Variants in STXBP5L observed in about 807,000 individuals in gnomAD.
The protein encoded by STXBP5L is syntaxin-binding protein 5-like.
STXBP5L carries 65 observed loss-of-function variants against 144.5 expected under a neutral mutation model. That is an observed-to-expected ratio of 0.45 (90% CI 0.37 to 0.55). The LOEUF is 0.55. Ranked by LOEUF, STXBP5L falls within the 20% of genes least tolerant of loss-of-function variation. The probability of loss-of-function intolerance (pLI) is 0.00; values close to 1 mark genes in which losing one functional copy is unlikely to be tolerated. For missense variants in STXBP5L, 1,298 were observed against 1,405.5 expected, an observed-to-expected ratio of 0.92 and a Z score of 1.22; for synonymous variants, 505 against 469.6, an observed-to-expected ratio of 1.08 and a Z score of -0.97.
chr3:121,041,726 A>G lies in STXBP5L; in HGVS notation c.314A>G (p.Tyr105Cys), dbSNP rs765688006. 8 of 1,612,622 alleles carry G rather than the reference A, an allele frequency of 5.0e-6. No individual in the cohort carries two copies. The highest frequency in any genetic ancestry group is 3.3e-5 in the Admixed American group (2 of 59,904). ...RILGRPGVDCYCQHESGAAVL... is the reference protein window; with the variant it reads ...RILGRPGVDCCCQHESGAAVL... ...CTCGGGAGACCTGGTGTTGATTGCT[A>G]TTGCCAACATGAAAGTGGTGCAGCT... Residue 105 changes from tyrosine (Y) to cysteine (C), a missense_variant, in exon 4 of 27, where the codon TAT becomes TGT. By Grantham distance (194) the Tyr-to-Cys change is radical (BLOSUM62 -2). Transcript: ENST00000471454.
chr3:120,949,363 G>A (rs1711054540), intron 2 of STXBP5L, among the ~76,000 whole-genome samples: 1 of 152,012 alleles, frequency 6.6e-6, no homozygotes, highest in Non-Finnish European at 1.5e-5. Flanking sequence ...CATTCTGTGG[G>A]TTGTCTGTTT....
chr3:121,208,584 T>A (rs1559866199), intron 10 of STXBP5L, among the ~76,000 whole-genome samples: 2 of 152,158 alleles, frequency 1.3e-5, no homozygotes, highest in South Asian at 4.1e-4. Flanking sequence ...AAATATGAAA[T>A]ATATGACATA....
chr3:121,393,971 T>C (rs2046660369), intron 22 of STXBP5L, among the ~76,000 whole-genome samples: 1 of 152,214 alleles, frequency 6.6e-6, no homozygotes, highest in African/African-American at 2.4e-5. Context: ...AGAATGCTGT[T>C]GGCAAATTGA....
At chr3:121,105,963 G>A (rs193287619) in intron 5 of STXBP5L, among the ~76,000 whole-genome samples, 4 of 152,144 alleles carry the variant, frequency 2.6e-5, no homozygotes, top group Admixed American at 2.6e-4. Flanking sequence ...TAAGTCAAAA[G>A]TAAAGAATAT....
intron 9 of STXBP5L, among the ~76,000 whole-genome samples, chr3:121,200,476 C>A (rs1351143525): frequency 6.6e-6 from 1 of 152,182 alleles, no homozygotes; most frequent in Admixed American, 6.6e-5. Context: ...GTCTCTGTCT[C>A]CTTCAGTTCC....
intron 19 of STXBP5L, among the ~76,000 whole-genome samples, chr3:121,313,402 A>G: frequency 1.4e-5 from 1 of 71,942 alleles, no homozygotes; most frequent in African/African-American, 5.9e-5. Context: ...CTGACCCCCC[A>G]CCTCCCTCCC....
intron 18 of STXBP5L, among the ~76,000 whole-genome samples, chr3:121,275,788 T>C (rs750652605): frequency 1.3e-4 from 20 of 152,162 alleles, no homozygotes; most frequent in Non-Finnish European, 2.5e-4. Flanking sequence ...TATATATCTC[T>C]CAAAATTTCC....
chr3:120,911,807 A>G (rs929765832), intron 2 of STXBP5L, among the ~76,000 whole-genome samples: 2 of 152,052 alleles, frequency 1.3e-5, no homozygotes, highest in Non-Finnish European at 2.9e-5. Flanking sequence ...TTTAAAAAAT[A>G]GTTATATGGA....
intron 3 of STXBP5L, among the ~76,000 whole-genome samples, chr3:120,955,378 C>T (rs141760744): frequency 2.6e-5 from 4 of 151,986 alleles, no homozygotes; most frequent in East Asian, 1.9e-4. Context: ...TTTCTATATT[C>T]GATTTCATTG....
intron 10 of STXBP5L, among the ~76,000 whole-genome samples, chr3:121,207,820 A>C (rs1464333899): frequency 2.0e-5 from 3 of 152,004 alleles, no homozygotes; most frequent in African/African-American, 7.3e-5. Context: ...GATCATTAAA[A>C]AGTCAGGAAA....
intron 3 of STXBP5L, among the ~76,000 whole-genome samples, chr3:121,035,781 A>G (rs1946705755): frequency 6.6e-6 from 1 of 152,142 alleles, no homozygotes; most frequent in Non-Finnish European, 1.5e-5. Context: ...TTGAATCTGT[A>G]GATTGCTTTG....
chr3:120,967,989 A>T (rs1272754122), intron 3 of STXBP5L, among the ~76,000 whole-genome samples: 2 of 152,188 alleles, frequency 1.3e-5, no homozygotes, highest in Non-Finnish European at 2.9e-5. Context: ...TGACTTCTAA[A>T]AATTTATTAA....
rs1278181677 is a variant in STXBP5L, at chr3:121,104,992, C to T, written c.471-9933C>T. Among the ~76,000 whole-genome samples, 19 of 152,146 alleles carry T rather than the reference C, an allele frequency of 1.2e-4. 1 individual carries two copies. Among genetic ancestry groups the T allele is most frequent in the South Asian group, 8.3e-4 (4 of 4,818 alleles). ...TCTTGGCAACCTATGCATCTGACAA[C>T]GGACTATATCCAGAATTTACAATAA... is the stretch of plus-strand genomic sequence containing the variant. On this transcript the variant is annotated intron_variant, in intron 5 of 26. Coordinates refer to ENST00000471454, the MANE Select transcript of STXBP5L (RefSeq NM_001308330.2).
At chr3:120,945,746 G>C (rs75932747) in intron 2 of STXBP5L, among the ~76,000 whole-genome samples, 2,969 of 151,902 alleles carry the variant, frequency 0.02, 43 homozygotes, top group Non-Finnish European at 0.031. Context: ...CTCAAAGCCA[G>C]AGTTGGCATC....
intron 4 of STXBP5L, among the ~76,000 whole-genome samples, chr3:121,042,435 A>G (rs1947225633): frequency 6.6e-6 from 1 of 152,180 alleles, no homozygotes; most frequent in Admixed American, 6.6e-5. Context: ...AGTGGAAATT[A>G]GAGTCTTCTA....
chr3:121,209,824 G>A (rs930733863), intron 10 of STXBP5L, among the ~76,000 whole-genome samples: 2 of 152,114 alleles, frequency 1.3e-5, no homozygotes, highest in African/African-American at 4.8e-5. Flanking sequence ...TCTTAATCCA[G>A]TCTATCACTG....
At chr3:121,401,505 CAAT>C (rs1193491615) in intron 22 of STXBP5L, among the ~76,000 whole-genome samples, 1 of 146,386 alleles carries the variant, frequency 6.8e-6, no homozygotes, top group East Asian at 2.0e-4. Context: ...AAATGTCCAA[CAAT>C]GATAGTCTGG....
intron 22 of STXBP5L, among the ~76,000 whole-genome samples, chr3:121,395,906 C>T (rs1230802711): frequency 2.0e-5 from 3 of 152,298 alleles, no homozygotes; most frequent in South Asian, 2.1e-4. Context: ...TGGCTGCAAC[C>T]GAGGGGTCCT....
At chr3:121,070,569 T>G (rs2041764861) in intron 5 of STXBP5L, among the ~76,000 whole-genome samples, 1 of 152,188 alleles carries the variant, frequency 6.6e-6, no homozygotes, top group African/African-American at 2.4e-5. Flanking sequence ...GACACAAATG[T>G]AGATTAGTAA....
Sources: allele counts gnomAD v4.1 joint callset (sites outside exome capture counted in the v4.1 genomes callset), GRCh38; gene constraint gnomAD v4.1.1; transcripts MANE v1.5; gene names NCBI Gene and HGNC (gene_info 2026-07-23, HGNC 2026-07-21).